Variants in PML observed in about 807,000 individuals in gnomAD.
PML encodes the protein protein PML.
A neutral mutation model predicts 65.2 loss-of-function variants in PML; 28 were observed. The ratio of observed to expected loss-of-function variants is 0.43; its 90% confidence interval spans 0.32 to 0.59. The LOEUF is 0.59. Among genes scored for constraint, PML ranks in the 20% least tolerant of loss-of-function variants. The pLI, the probability that PML is intolerant of heterozygous loss-of-function variation, is 0.08. For missense variants in PML, 1,021 were observed against 1,203.4 expected (o/e 0.85, Z 2.24); for synonymous variants, 500 against 508.8 (o/e 0.98, Z 0.23).
In PML at chr15:74,042,532, T is replaced by G; in HGVS notation, c.1711-457T>G. ...AAAGATGAAATTAGGAGCAGACATC[T>G]CAGGTCCTGCCTGCCATAGCAGATG... On this transcript the variant is annotated intron_variant, in intron 7 of 8. Coordinates refer to ENST00000268058, the MANE Select transcript of PML (RefSeq NM_033238.3). This position sits in a 1 kb window ranked among gnomAD's most constrained non-coding sequence, Gnocchi z 5.3. 1 of 985,436 alleles carries G rather than the reference T, an allele frequency of 1.0e-6. No individual in the cohort carries two copies. 61.0% of individuals were successfully genotyped at this position (985,436 alleles called of 1,614,324 possible).
At chr15:74,012,730 T>C (rs1435909843) in intron 2 of PML, among the ~76,000 whole-genome samples, 1 of 152,246 alleles carries the variant, frequency 6.6e-6, no homozygotes, top group Non-Finnish European at 1.5e-5. Flanking sequence ...TCAATAGGAC[T>C]GTAAGGTTCA....
At position 74,047,641 on chromosome 15, in the gene PML, A is replaced by G. The variant is rs748749156; in HGVS notation, c.*2633A>G. 1 of 207,678 alleles carries G rather than the reference A, an allele frequency of 4.8e-6. No homozygotes were observed. The highest frequency in any genetic ancestry group is 9.8e-6 in the Non-Finnish European group (1 of 101,932). 12.9% of individuals were successfully genotyped at this position (207,678 alleles called of 1,614,324 possible). Reference sequence around the variant, plus strand: ...TTGATCCTCAGGCTGCACCTCTGGCAAATGGGAGAATGCGGCTCCTTTTGA... The same window carrying G: ...TTGATCCTCAGGCTGCACCTCTGGCGAATGGGAGAATGCGGCTCCTTTTGA... On this transcript the variant is annotated 3_prime_UTR_variant, in exon 9 of 9. Coordinates refer to ENST00000268058, the MANE Select transcript of PML (RefSeq NM_033238.3).
chr15:74,030,717 T>C (rs1013061350), intron 4 of PML, among the ~76,000 whole-genome samples: 2 of 152,118 alleles, frequency 1.3e-5, no homozygotes, highest in Non-Finnish European at 2.9e-5. Flanking sequence ...TCCCGAGGTA[T>C]GTGACCTTGG....
intron 2 of PML, among the ~76,000 whole-genome samples, chr15:74,010,788 C>T (rs1178383003): frequency 6.6e-6 from 1 of 151,990 alleles, no homozygotes; most frequent in African/African-American, 2.4e-5. Context: ...ACCCAGAGGT[C>T]CCAGAAGATA....
chr15:74,041,115 T>A (rs966214990), intron 7 of PML, among the ~76,000 whole-genome samples: 1 of 151,954 alleles, frequency 6.6e-6, no homozygotes, highest in African/African-American at 2.4e-5. Context: ...GCATTTCCAG[T>A]TGGGTTTGGA....
intron 1 of PML, among the ~76,000 whole-genome samples, chr15:73,997,437 C>G (rs1196216806): frequency 6.6e-6 from 1 of 152,228 alleles, no homozygotes; most frequent in African/African-American, 2.4e-5. Context: ...CTTTCTAACG[C>G]TGAGTAATAT....
Position 74,043,392 on chromosome 15 carries a change from C to G in PML, c.1861+253C>G. ...GATGCCTCCACAAGTGCACCTCTGA[C>G]CAGTTCTTCTCTCAGACAGAGAGCC... On this transcript the variant is annotated intron_variant, in intron 8 of 8. Coordinates refer to ENST00000268058, the MANE Select transcript of PML (RefSeq NM_033238.3). The surrounding 1 kb of genome is among the most constrained non-coding windows in gnomAD (Gnocchi z 4.3). 7.0e-7 allele frequency: 1 copy of G among 1,429,652 alleles called. No homozygotes were observed. Among genetic ancestry groups the G allele is most frequent in the South Asian group, 1.5e-5 (1 of 66,050 alleles). 88.6% of individuals were successfully genotyped at this position (1,429,652 alleles called of 1,614,324 possible). A position where few individuals can be genotyped will look rare whatever the true frequency, so the allele number is the denominator to read the frequency against.
chr15:74,042,693 T>G lies in PML; in HGVS notation c.1711-296T>G. On this transcript the variant is annotated intron_variant, in intron 7 of 8. Transcript: ENST00000268058. The surrounding 1 kb of genome is among the most constrained non-coding windows in gnomAD (Gnocchi z 5.3). The stretch of plus-strand genomic sequence containing the variant: ...TTAACTGTGCATGCACACACAGATT[T>G]AGCACTTGGATTCATTCCCACACAT... 1.0e-6 allele frequency: 1 copy of G among 985,374 alleles called. No homozygotes were observed. 61.0% of individuals were successfully genotyped at this position (985,374 alleles called of 1,614,324 possible).
intron 2 of PML, among the ~76,000 whole-genome samples, chr15:74,010,499 A>G (rs2070281223): frequency 1.4e-5 from 2 of 146,052 alleles, no homozygotes; most frequent in Admixed American, 1.4e-4. Context: ...CCTGGGCAAC[A>G]GAGCGAGGCC....
At chr15:74,032,435 A>G in intron 4 of PML, 137 bp from the exon 5 acceptor site, 1 of 872,510 alleles carries the variant, frequency 1.1e-6, no homozygotes. Context: ...GTCCCCAGTG[A>G]GCTCGGAGCT....
At position 74,035,038 on chromosome 15, in the gene PML, C is replaced by A. The variant is rs2071482074; in HGVS notation, c.1710+508C>A. ...GCCTCGTGGGTAGTGACCCTTCTGT[C>A]CCTAGAGGTTTATTACTAGAGGCTG... On this transcript the variant is annotated intron_variant, in intron 7 of 8. Transcript: ENST00000268058. The surrounding 1 kb of genome is among the most constrained non-coding windows in gnomAD (Gnocchi z 4.1). 3 of 1,468,524 alleles carry A rather than the reference C, an allele frequency of 2.0e-6. No homozygotes were observed. Among genetic ancestry groups the A allele is most frequent in the African/African-American group, 2.8e-5 (2 of 72,424 alleles). The allele number at this position is 1,468,524 out of a possible 1,614,324, so 91.0% of individuals were successfully genotyped here.
intron 2 of PML, among the ~76,000 whole-genome samples, chr15:74,020,497 G>A (rs928773264): frequency 4.0e-5 from 6 of 151,626 alleles, no homozygotes. Flanking sequence ...ATATTTCTGG[G>A]GAACTAACAG....
chr15:74,024,289 A>G (rs1398221537), intron 3 of PML, among the ~76,000 whole-genome samples: 1 of 152,148 alleles, frequency 6.6e-6, no homozygotes, highest in African/African-American at 2.4e-5. Context: ...GGAGCTGGAC[A>G]TGGGTCATGA....
chr15:74,000,571 G>C (rs561047391), intron 2 of PML, among the ~76,000 whole-genome samples: 9 of 152,300 alleles, frequency 5.9e-5, no homozygotes, highest in African/African-American at 2.2e-4. Flanking sequence ...GCCTCTCAAA[G>C]TGCTGGGATT....
rs1432363286 is a variant in PML at position 74,034,463 on chromosome 15, C to G, written c.1658-15C>G. The G allele has an allele frequency of 1.2e-6, 2 of 1,614,070 alleles. No individual in the cohort carries two copies. The highest frequency in any genetic ancestry group is 1.7e-6 in the Non-Finnish European group (2 of 1,180,040). On this transcript the variant is annotated splice_polypyrimidine_tract_variant and intron_variant, in intron 6 of 8. Coordinates refer to ENST00000268058, the MANE Select transcript of PML (RefSeq NM_033238.3). ...CCTAGGCAGTTCATAATGCATCTCC[C>G]CTTCCCCGTTTCAGAGGAACGCGTT... is the stretch of plus-strand genomic sequence containing the variant.
chr15:74,044,230 T>C lies in PML; in HGVS notation c.1871T>C (p.Ile624Thr). 2 of 1,613,796 alleles carry C rather than the reference T, an allele frequency of 1.2e-6. No homozygotes were observed. The highest frequency in any genetic ancestry group is 1.7e-6 in the Non-Finnish European group (2 of 1,179,974). The change falls in exon 9 of 9, where the codon ATT (isoleucine) becomes ACT (threonine). Residue 624 changes from isoleucine (I) to threonine (T), a missense_variant. Transcript: ENST00000268058. Reference sequence around the variant, plus strand: ...CTTCTCTCCTGCCCAGCCCAGAAGATTAGCCAGCTGGCTGCGGTGAACCGG... The same window carrying C: ...CTTCTCTCCTGCCCAGCCCAGAAGACTAGCCAGCTGGCTGCGGTGAACCGG... ...DLKIDNETQK[I>T]SQLAAVNRES...
In PML at chr15:73,998,175, A is replaced by C. The variant is rs772834238; in HGVS notation, c.301A>C (p.Thr101Pro). ...GGCGCCCTGGCCCCTAGGTGCAGAC[A>C]CACCCGCCCTGGATAACGTCTTTTT... ...CQAPWPLGADTPALDNVFFES... is the reference protein window; with the variant it reads ...CQAPWPLGADPPALDNVFFES... Residue 101 changes from threonine to proline, a missense_variant, in exon 2 of 9, where the codon ACA (threonine) becomes CCA (proline). Transcript: ENST00000268058. The C allele has an allele frequency of 6.2e-7, 1 of 1,614,198 alleles. No homozygotes were observed. The highest frequency in any genetic ancestry group is 8.5e-7 in the Non-Finnish European group (1 of 1,180,016).
In PML at chr15:74,035,923, T is replaced by C; in HGVS notation, c.1710+1393T>C. 6.2e-7 allele frequency: 1 copy of C among 1,613,876 alleles called. No homozygotes were observed. The highest frequency in any genetic ancestry group is 8.5e-7 in the Non-Finnish European group (1 of 1,180,000). ...CCAGAAAGGCCCCCCATCAGCCCAG[T>C]CCCAGGCGCCCGTCAAGCAGGCCTC... On this transcript the variant is annotated intron_variant, in intron 7 of 8. Transcript: ENST00000268058. The surrounding 1 kb of genome is among the most constrained non-coding windows in gnomAD (Gnocchi z 4.1).
chr15:74,033,511 C>A, intron 6 of PML, 97 bp downstream of exon 6: 1 of 1,307,366 alleles, frequency 7.6e-7, no homozygotes, highest in Non-Finnish European at 1.1e-6. Context: ...AAGCCCAAAG[C>A]CAACAGGAGT....
Sources: gnomAD v4.1 joint callset for allele counts (sites outside exome capture counted in the v4.1 genomes callset) on GRCh38, gnomAD v4.1.1 for gene constraint, Gnocchi (gnomAD v3.1) non-coding constraint, MANE v1.5 for transcripts, NCBI Gene and HGNC (gene_info 2026-07-23, HGNC 2026-07-21) for gene names.